DHX36: variants seen among roughly 807,000 people sequenced by gnomAD.
The protein encoded by DHX36 is DEAH-box helicase 36, also known as ATP-dependent DNA/RNA helicase DHX36.
Under a neutral mutation model 139.0 loss-of-function variants are expected in DHX36, and 50 were observed. The observed-to-expected ratio is 0.36, with a 90% CI of 0.29 to 0.46. The LOEUF (loss-of-function observed/expected upper bound fraction) is 0.46, where lower values mean the gene tolerates loss of function less well. Ranked by LOEUF, DHX36 falls within the 20% of genes least tolerant of loss-of-function variation. DHX36 has a pLI of 1.00. For synonymous variants in DHX36, 425 were observed against 401.9 expected, an observed-to-expected ratio of 1.06 and a Z score of -0.69; for missense variants, 1,024 against 1,211.3, an observed-to-expected ratio of 0.85 and a Z score of 2.29.
intron 1 of DHX36, among the ~76,000 whole-genome samples, chr3:154,323,719 C>G (rs1713286245): frequency 6.6e-6 from 1 of 152,134 alleles, no homozygotes; most frequent in Admixed American, 6.5e-5. Flanking sequence ...TCTGAATGAT[C>G]CACATCCAAA....
intron 12 of DHX36, among the ~76,000 whole-genome samples, chr3:154,299,100 C>T (rs1244781891): frequency 6.6e-6 from 1 of 151,604 alleles, no homozygotes; most frequent in African/African-American, 2.4e-5. Context: ...AGTGAAACCC[C>T]ATCTCTACTA....
At chr3:154,292,737 AC>A in intron 14 of DHX36, 43 bp from the exon 15 acceptor site, 1 of 1,568,028 alleles carries the variant, frequency 6.4e-7, no homozygotes, top group Non-Finnish European at 8.7e-7. Context: ...ACACACACAC[AC>A]ACACACACAC....
intron 4 of DHX36, among the ~76,000 whole-genome samples, chr3:154,311,128 T>C (rs1712748747): frequency 6.6e-6 from 1 of 151,184 alleles, no homozygotes; most frequent in Non-Finnish European, 1.5e-5. Flanking sequence ...TGTCAGGTGG[T>C]AACAAGTGCT....
intron 17 of DHX36, among the ~76,000 whole-genome samples, chr3:154,287,939 A>G (rs1711605222): frequency 1.3e-5 from 2 of 152,096 alleles, no homozygotes; most frequent in African/African-American, 4.8e-5. Flanking sequence ...AGGCCAATTA[A>G]TAAGAAAGGT....
intron 1 of DHX36, among the ~76,000 whole-genome samples, chr3:154,323,294 C>T (rs1324178263): frequency 6.6e-6 from 1 of 151,770 alleles, no homozygotes; most frequent in African/African-American, 2.4e-5. Flanking sequence ...AAGATCGTGC[C>T]ACTGCACTCC....
At chr3:154,320,085 T>A (rs988693466) in intron 1 of DHX36, among the ~76,000 whole-genome samples, 1 of 152,112 alleles carries the variant, frequency 6.6e-6, no homozygotes, top group Non-Finnish European at 1.5e-5. Context: ...CAATAGACAT[T>A]CTCTGCTCTT....
At position 154,316,135 on chromosome 3, in the gene DHX36, C is replaced by T. The variant is rs759420266; in HGVS notation, c.272G>A (p.Arg91Gln). 17 of 1,613,016 alleles carry T rather than the reference C, an allele frequency of 1.1e-5. No individual in the cohort carries two copies. Among genetic ancestry groups the T allele is most frequent in the South Asian group, 6.6e-5 (6 of 91,034 alleles). The change falls in exon 2 of 25, where the codon CGA becomes CAA. Residue 91 changes from arginine to glutamine, a missense_variant. Transcript: ENST00000496811. Reference sequence around the variant, plus strand: ...CAGTAACTGTACAATTTGTTCTTCTCGTCGTTCATCCATGTGTACTACAGC... The same window carrying T: ...CAGTAACTGTACAATTTGTTCTTCTTGTCGTTCATCCATGTGTACTACAGC... ...ERAVVHMDER[R>Q]EEQIVQLLNS...
At chr3:154,306,843 T>G (rs1322413682) in intron 5 of DHX36, among the ~76,000 whole-genome samples, 2 of 152,044 alleles carry the variant, frequency 1.3e-5, no homozygotes, top group Non-Finnish European at 2.9e-5. Flanking sequence ...GTATTAGAAA[T>G]AGAAAATGGC....
chr3:154,276,519 C>A (rs1719154604), intron 24 of DHX36, 163 bp from the exon 25 acceptor site: 5 of 791,622 alleles, frequency 6.3e-6, no homozygotes, highest in Non-Finnish European at 9.8e-6. Context: ...GAGTGAATAA[C>A]TAAAGTGCAG....
Position 154,306,203 on chromosome 3 carries a change from G to T in DHX36, c.893+13C>A. On this transcript the variant is annotated intron_variant, in intron 6 of 24. Transcript: ENST00000496811. ...TAAAATCTGCCTGTATATAAGAAGT[G>T]AACATTTCTTACCTCTGGAGACGAA... 6.3e-7 allele frequency: 1 copy of T among 1,598,284 alleles called. No individual in the cohort carries two copies. Among genetic ancestry groups the T allele is most frequent in the South Asian group, 1.1e-5 (1 of 90,322 alleles).
chr3:154,289,088 C>A (rs1053447717), intron 16 of DHX36, 124 bp from the exon 17 acceptor site: 10 of 423,214 alleles, frequency 2.4e-5, no homozygotes, highest in African/African-American at 2.1e-4. Context: ...AGTTATTTTA[C>A]CAAAATGAAT....
At chr3:154,310,830 T>TGTATATAC (rs1394644718) in intron 4 of DHX36, among the ~76,000 whole-genome samples, 2 of 34,882 alleles carry the variant, frequency 5.7e-5, no homozygotes, top group East Asian at 3.8e-3. Flanking sequence ...TATATATATA[T>TGTATATAC]ATATATATAT....
intron 4 of DHX36, among the ~76,000 whole-genome samples, chr3:154,311,393 G>A (rs929270146): frequency 6.6e-6 from 1 of 151,938 alleles, no homozygotes; most frequent in African/African-American, 2.4e-5. Flanking sequence ...CTTATAGGAG[G>A]AAATTTTACT....
chr3:154,313,893 T>G (rs1485036177), intron 3 of DHX36, among the ~76,000 whole-genome samples: 8 of 152,180 alleles, frequency 5.3e-5, no homozygotes, highest in Non-Finnish European at 1.5e-5. Flanking sequence ...TTTTTCCTCA[T>G]CTACAACAGA....
At chr3:154,284,434 G>C in intron 19 of DHX36, 149 bp downstream of exon 19, 1 of 626,990 alleles carries the variant, frequency 1.6e-6, no homozygotes, top group Non-Finnish European at 2.7e-6. Context: ...ACCTGCCTCA[G>C]CCTCCCAAAG....
chr3:154,317,695 C>T (rs938942767), intron 1 of DHX36, among the ~76,000 whole-genome samples: 7 of 151,960 alleles, frequency 4.6e-5, no homozygotes, highest in Admixed American at 1.3e-4. Context: ...GAATGATCTT[C>T]AAGGTATTTT....
intron 24 of DHX36, 104 bp downstream of exon 24, chr3:154,276,643 G>A (rs2108328253): frequency 7.9e-7 from 1 of 1,273,548 alleles, no homozygotes. Context: ...TTGCTCTGCT[G>A]AAATAGAGCA....
chr3:154,279,398 T>C (rs1204710098), intron 22 of DHX36: 1 of 152,192 alleles, frequency 6.6e-6, no homozygotes, highest in African/African-American at 2.4e-5. Flanking sequence ...CCTCCCAGGA[T>C]GGCAGAGAGG....
rs777503457 is a variant in DHX36 at position 154,309,784 on chromosome 3, T to C, written c.682A>G (p.Ile228Val). The C allele has an allele frequency of 9.9e-6, 16 of 1,611,692 alleles. No individual in the cohort carries two copies. Among genetic ancestry groups the C allele is most frequent in the South Asian group, 4.4e-5 (4 of 90,600 alleles). Reference sequence around the variant, plus strand: ...TTGCCACAACCAGTTTCACCACTTATTACTGTTACCTGATGGTTATCAATT... The same window carrying C: ...TTGCCACAACCAGTTTCACCACTTACTACTGTTACCTGATGGTTATCAATT... The part of the protein sequence containing the change: ...NLIDNHQVTV[I>V]SGETGCGKTT... The change falls in exon 5 of 25, where the codon ATA becomes GTA. Residue 228 changes from isoleucine (I) to valine (V), a missense_variant. Ile to Val is a conservative substitution (Grantham distance 29). This residue lies in a region of DHX36 where 146 missense variants were observed against 215.0 expected (regional missense o/e 0.68). Transcript: ENST00000496811.
Sources: allele counts gnomAD v4.1 joint callset (sites outside exome capture counted in the v4.1 genomes callset), GRCh38; gene constraint gnomAD v4.1.1; regional missense constraint gnomAD v4.1.1; transcripts MANE v1.5; gene names NCBI Gene and HGNC (gene_info 2026-07-23, HGNC 2026-07-21).